The following SORBS2 variants were observed in gnomAD, a reference collection of about 807,000 sequenced individuals.
The protein encoded by SORBS2 is sorbin and SH3 domain containing 2.
In SORBS2, 46 loss-of-function variants were observed where a neutral mutation model predicts 97.7. The ratio of observed to expected loss-of-function variants is 0.47; its 90% confidence interval spans 0.37 to 0.60. The LOEUF (loss-of-function observed/expected upper bound fraction) is 0.60, where lower values mean the gene tolerates loss of function less well. Among genes scored for constraint, SORBS2 ranks in the 20% least tolerant of loss-of-function variants. SORBS2 has a pLI of 0.00. For synonymous variants in SORBS2, 476 were observed against 473.4 expected (o/e 1.01, Z -0.07); for missense variants, 1,316 against 1,282.3 (o/e 1.03, Z -0.40).
At chr4:185,603,436 T>C (rs1423263671) in intron 12 of SORBS2, among the ~76,000 whole-genome samples, 1 of 152,224 alleles carries the variant, frequency 6.6e-6, no homozygotes, top group Non-Finnish European at 1.5e-5. Context: ...TTTCATTTTT[T>C]ACAAAGTTCC....
chr4:185,716,817 GC>G (rs1340208605), intron 2 of SORBS2, among the ~76,000 whole-genome samples: 1 of 152,166 alleles, frequency 6.6e-6, no homozygotes, highest in Non-Finnish European at 1.5e-5. Flanking sequence ...CGGGTCAGAG[GC>G]CCACGGGGAG....
intron 2 of SORBS2, among the ~76,000 whole-genome samples, chr4:185,683,924 C>G (rs554943912): frequency 1.3e-5 from 2 of 151,996 alleles, no homozygotes; most frequent in East Asian, 3.9e-4. Flanking sequence ...TTAAAGATGC[C>G]CCATCCCTTT....
At chr4:185,942,228 A>G (rs1056104341) in intron 1 of SORBS2, among the ~76,000 whole-genome samples, 1 of 152,186 alleles carries the variant, frequency 6.6e-6, no homozygotes, top group African/African-American at 2.4e-5. Flanking sequence ...TGCTTCTGGG[A>G]AGAAAGAATT....
chr4:185,646,122 G>C (rs1052985532), intron 4 of SORBS2: 2 of 152,130 alleles, frequency 1.3e-5, no homozygotes, highest in Non-Finnish European at 2.9e-5. Context: ...TATGAAAAGG[G>C]CATTTGGAAA....
chr4:185,921,030 G>C (rs890614633), intron 1 of SORBS2, among the ~76,000 whole-genome samples: 5 of 152,202 alleles, frequency 3.3e-5, no homozygotes, highest in Non-Finnish European at 7.3e-5. Context: ...GAGAGGCAGA[G>C]GGCTGGGCGG....
intron 1 of SORBS2, among the ~76,000 whole-genome samples, chr4:185,939,738 A>G (rs1579593043): frequency 6.6e-6 from 1 of 151,990 alleles, no homozygotes; most frequent in South Asian, 2.1e-4. Flanking sequence ...TCGAACTCCC[A>G]ACCTCACGTG....
chr4:185,673,012 C>A (rs895872691), intron 4 of SORBS2, among the ~76,000 whole-genome samples: 1 of 152,138 alleles, frequency 6.6e-6, no homozygotes, highest in Admixed American at 6.5e-5. Context: ...GTGGTGTATA[C>A]GCATACTAGG....
intron 2 of SORBS2, among the ~76,000 whole-genome samples, chr4:185,680,880 G>C (rs2097858349): frequency 5.3e-5 from 8 of 152,138 alleles, no homozygotes; most frequent in Admixed American, 5.2e-4. Flanking sequence ...CCAGGAGACG[G>C]TAAGTGTGAG....
chr4:185,624,656 CT>C (rs1177469581), intron 6 of SORBS2, among the ~76,000 whole-genome samples, 162 bp from the exon 19 acceptor site: 2 of 152,190 alleles, frequency 1.3e-5, no homozygotes, highest in Non-Finnish European at 2.9e-5. Context: ...GGAGCTTCAA[CT>C]CTAGAGAAGA....
chr4:185,757,015 C>T (rs887988593), intron 2 of SORBS2: 13 of 1,014,268 alleles, frequency 1.3e-5, no homozygotes, highest in Admixed American at 6.8e-5. Context: ...ATCACAAAGA[C>T]GTGAGTGGCA....
chr4:185,709,021 C>A (rs965138291), intron 2 of SORBS2, among the ~76,000 whole-genome samples: 2 of 152,170 alleles, frequency 1.3e-5, no homozygotes, highest in African/African-American at 2.4e-5. Flanking sequence ...ACTCTTCAAC[C>A]TTTTCTCTTT....
chr4:185,825,054 G>C (rs906514159), intron 1 of SORBS2, among the ~76,000 whole-genome samples: 2 of 152,246 alleles, frequency 1.3e-5, no homozygotes, highest in East Asian at 3.9e-4. Flanking sequence ...GGCTCTCCGA[G>C]ATTCTGCACC....
intron 1 of SORBS2, among the ~76,000 whole-genome samples, chr4:185,900,391 T>A (rs1010141269): frequency 2.6e-5 from 4 of 152,170 alleles, no homozygotes. Context: ...CCAGTTCTCT[T>A]ATCAAAGAGA....
chr4:185,788,002 G>A (rs999411905), intron 1 of SORBS2, among the ~76,000 whole-genome samples: 1 of 152,244 alleles, frequency 6.6e-6, no homozygotes, highest in African/African-American at 2.4e-5. Flanking sequence ...ATGGGCAGGT[G>A]ACATCACATG....
intron 1 of SORBS2, among the ~76,000 whole-genome samples, chr4:185,794,839 G>T (rs1289893267): frequency 6.6e-6 from 1 of 152,066 alleles, no homozygotes; most frequent in Non-Finnish European, 1.5e-5. Context: ...CCTATGTGAG[G>T]AATGTGGGAA....
intron 2 of SORBS2, among the ~76,000 whole-genome samples, chr4:185,725,253 A>C (rs2098547619): frequency 6.6e-6 from 1 of 152,188 alleles, no homozygotes; most frequent in Non-Finnish European, 1.5e-5. Flanking sequence ...AAGGATGGAA[A>C]TTATCCTGCA....
intron 1 of SORBS2, among the ~76,000 whole-genome samples, chr4:185,837,960 T>G (rs2099209115): frequency 6.6e-6 from 1 of 152,220 alleles, no homozygotes; most frequent in Admixed American, 6.5e-5. Context: ...TTGCTTTTCT[T>G]TGAATGTGGA....
chr4:185,806,436 ATTTTTTTTTTTT>A (rs35448726), intron 1 of SORBS2, among the ~76,000 whole-genome samples: 1 of 22,680 alleles, frequency 4.4e-5, no homozygotes, highest in South Asian at 1.0e-3. Context: ...CTAGAATCCT[ATTTTTTTTTTTT>A]TTTTTTTTTT....
At chr4:185,823,448 A>G (rs910842377) in intron 1 of SORBS2, among the ~76,000 whole-genome samples, 5 of 152,182 alleles carry the variant, frequency 3.3e-5, no homozygotes, top group African/African-American at 1.2e-4. Context: ...ACACTCAACA[A>G]TAACAATGTT....
Sources: gnomAD v4.1 joint callset for allele counts (sites outside exome capture counted in the v4.1 genomes callset) on GRCh38, gnomAD v4.1.1 for gene constraint, MANE v1.5 for transcripts, NCBI Gene and HGNC (gene_info 2026-07-23, HGNC 2026-07-21) for gene names.